SGMS1: variants seen among roughly 807,000 people sequenced by gnomAD.
SGMS1 encodes phosphatidylcholine:ceramide cholinephosphotransferase 1.
In SGMS1, 13 loss-of-function variants were observed where a neutral mutation model predicts 46.2. That is an observed-to-expected ratio of 0.28 (90% confidence interval 0.18 to 0.45). SGMS1 has a LOEUF of 0.45. Among genes scored for constraint, SGMS1 ranks in the 20% least tolerant of loss-of-function variants. The pLI, the probability that SGMS1 is intolerant of heterozygous loss-of-function variation, is 1.00. For synonymous variants in SGMS1, 203 were observed against 187.8 expected (o/e 1.08, Z -0.66); for missense variants, 324 against 519.9 (o/e 0.62, Z 3.66).
At chr10:50,357,973 G>A (rs181594610) in intron 6 of SGMS1, among the ~76,000 whole-genome samples, 8 of 152,208 alleles carry the variant, frequency 5.3e-5, no homozygotes, top group South Asian at 2.1e-4. Context: ...TTGGCTTCAC[G>A]TATCAAACCT....
chr10:50,564,590 C>A, intron 2 of SGMS1, among the ~76,000 whole-genome samples: 1 of 152,074 alleles, frequency 6.6e-6, no homozygotes, highest in African/African-American at 2.4e-5. Flanking sequence ...CAAAGCTATG[C>A]AACTCAAATG....
chr10:50,357,872 G>A (rs1378919110), intron 6 of SGMS1, among the ~76,000 whole-genome samples: 2 of 152,286 alleles, frequency 1.3e-5, no homozygotes, highest in East Asian at 3.9e-4. Context: ...AGAAACTACA[G>A]GATTCTAGAT....
chr10:50,577,397 A>C (rs1399690592), intron 2 of SGMS1, among the ~76,000 whole-genome samples: 1 of 152,190 alleles, frequency 6.6e-6, no homozygotes, highest in Admixed American at 6.5e-5. Flanking sequence ...AGCATGAAGA[A>C]GACATAAAAA....
At chr10:50,596,430 G>T (rs929262560) in intron 1 of SGMS1, among the ~76,000 whole-genome samples, 1 of 152,128 alleles carries the variant, frequency 6.6e-6, no homozygotes, top group South Asian at 2.1e-4. Flanking sequence ...TGCCCACCTC[G>T]GCCTCCCAAA....
At chr10:50,330,032 T>C (rs933984864) in intron 7 of SGMS1, among the ~76,000 whole-genome samples, 4 of 152,216 alleles carry the variant, frequency 2.6e-5, no homozygotes, top group African/African-American at 9.6e-5. Context: ...GAATAGCATG[T>C]TATGTCAAGT....
chr10:50,610,462 A>T (rs1207784931), intron 1 of SGMS1, among the ~76,000 whole-genome samples: 1 of 152,152 alleles, frequency 6.6e-6, no homozygotes, highest in East Asian at 1.9e-4. Context: ...CCTGTGGGCC[A>T]CACATAGGGC....
chr10:50,428,947 T>C (rs577849264), intron 6 of SGMS1, among the ~76,000 whole-genome samples: 3 of 152,374 alleles, frequency 2.0e-5, no homozygotes, highest in East Asian at 3.9e-4. Flanking sequence ...AACACTTACG[T>C]TAGCCTAAAG....
chr10:50,481,283 G>A (rs1837474501), intron 3 of SGMS1, among the ~76,000 whole-genome samples: 1 of 152,222 alleles, frequency 6.6e-6, no homozygotes. Context: ...GAGTGTTCCA[G>A]CTGGCATCAG....
intron 1 of SGMS1, chr10:50,623,449 A>G: frequency 2.9e-6 from 1 of 348,058 alleles, no homozygotes; most frequent in Non-Finnish European, 4.0e-6. Flanking sequence ...TTAGCCGGGG[A>G]GCCCCGCCGG....
chr10:50,381,319 A>G (rs1848602603), intron 6 of SGMS1, among the ~76,000 whole-genome samples: 1 of 152,092 alleles, frequency 6.6e-6, no homozygotes, highest in Non-Finnish European at 1.5e-5. Flanking sequence ...ATTCTGGAAA[A>G]ATGATCTGAG....
chr10:50,525,768 A>G (rs1005617023), intron 2 of SGMS1, among the ~76,000 whole-genome samples: 10 of 152,216 alleles, frequency 6.6e-5, no homozygotes, highest in Admixed American at 1.3e-4. Flanking sequence ...GCATTTTTCC[A>G]TTTCCACCAA....
chr10:50,350,313 T>G (rs1168838462), intron 6 of SGMS1, among the ~76,000 whole-genome samples: 3 of 152,124 alleles, frequency 2.0e-5, no homozygotes, highest in African/African-American at 4.8e-5. Flanking sequence ...TTAAAGGCAT[T>G]CAGTTTGATA....
chr10:50,479,003 A>G (rs1406317839), intron 3 of SGMS1, among the ~76,000 whole-genome samples: 2 of 151,106 alleles, frequency 1.3e-5, no homozygotes, highest in South Asian at 2.1e-4. Context: ...CCACCCCCCA[A>G]CCAGTTCCTA....
At chr10:50,511,792 C>T (rs908484376) in intron 3 of SGMS1, among the ~76,000 whole-genome samples, 3 of 152,108 alleles carry the variant, frequency 2.0e-5, no homozygotes, top group Admixed American at 6.6e-5. Flanking sequence ...TGACCCTCTC[C>T]TCTTGTCTGA....
chr10:50,566,515 C>T (rs527887225), intron 2 of SGMS1, among the ~76,000 whole-genome samples: 38 of 152,322 alleles, frequency 2.5e-4, no homozygotes, highest in Admixed American at 5.9e-4. Flanking sequence ...AACCCCCTCA[C>T]ATTCAGTTCG....
intron 6 of SGMS1, among the ~76,000 whole-genome samples, chr10:50,354,638 A>G (rs1372756715): frequency 2.0e-5 from 3 of 152,210 alleles, no homozygotes; most frequent in Non-Finnish European, 4.4e-5. Flanking sequence ...AGAAACTACC[A>G]TCAGAATGAA....
intron 5 of SGMS1, among the ~76,000 whole-genome samples, chr10:50,451,743 A>T (rs890641402): frequency 2.6e-5 from 4 of 152,178 alleles, no homozygotes. Flanking sequence ...ATTTCTATCA[A>T]ATGGCAATGC....
chr10:50,305,925 T>C lies in SGMS1; in HGVS notation c.*1217A>G, dbSNP rs149036487. 116 of 152,818 alleles carry C rather than the reference T, an allele frequency of 7.6e-4. No homozygotes were observed. The highest frequency in any genetic ancestry group is 2.7e-3 in the African/African-American group (112 of 41,570). The allele number at this position is 152,818 out of a possible 1,614,324, so 9.5% of individuals were successfully genotyped here. A position where few individuals can be genotyped will look rare whatever the true frequency, so the allele number is the denominator to read the frequency against. On this transcript the variant is annotated 3_prime_UTR_variant, in exon 11 of 11. Coordinates refer to ENST00000361781, the MANE Select transcript of SGMS1 (RefSeq NM_147156.4). ...TAGAATACTTCCCCAAACATATGTATGTTAGGAGTAAAACTTAGAGTTACA... is the reference window on the plus strand; with the variant it reads ...TAGAATACTTCCCCAAACATATGTACGTTAGGAGTAAAACTTAGAGTTACA...
intron 2 of SGMS1, among the ~76,000 whole-genome samples, chr10:50,546,315 C>A (rs967326898): frequency 2.0e-5 from 3 of 152,126 alleles, no homozygotes; most frequent in Admixed American, 6.5e-5. Flanking sequence ...TAACAAAAGA[C>A]CCTGCTTAGG....
Sources: allele counts gnomAD v4.1 joint callset (sites outside exome capture counted in the v4.1 genomes callset), GRCh38; gene constraint gnomAD v4.1.1; transcripts MANE v1.5; gene names NCBI Gene and HGNC (gene_info 2026-07-23, HGNC 2026-07-21).